Variants in ZC3H7B observed in about 807,000 individuals in gnomAD.
The protein encoded by ZC3H7B is zinc finger CCCH domain-containing protein 7B.
Under a neutral mutation model 116.0 loss-of-function variants are expected in ZC3H7B, and 35 were observed. The observed-to-expected ratio is 0.30, with a 90% CI of 0.23 to 0.40. The LOEUF (loss-of-function observed/expected upper bound fraction) is 0.40. ZC3H7B is among the 10% of genes least tolerant of loss of function. The pLI is 1.00. For missense variants in ZC3H7B, 1,011 were observed against 1,321.5 expected, an observed-to-expected ratio of 0.77 and a Z score of 3.64; for synonymous variants, 502 against 545.6, an observed-to-expected ratio of 0.92 and a Z score of 1.11.
chr22:41,359,042 G>C lies in ZC3H7B; in HGVS notation c.*1613G>C, dbSNP rs1453057723. ...CCGCCGCCACTGCCCAACCTTTCCTGATAATCGTGGCATGCGCCCTTTCCT... is the reference window on the plus strand; with the variant it reads ...CCGCCGCCACTGCCCAACCTTTCCTCATAATCGTGGCATGCGCCCTTTCCT... On this transcript the variant is annotated 3_prime_UTR_variant, in exon 23 of 23. Transcript: ENST00000352645. 1 of 153,384 alleles carries C rather than the reference G, an allele frequency of 6.5e-6. No individual in the cohort carries two copies. Among genetic ancestry groups the C allele is most frequent in the African/African-American group, 2.4e-5 (1 of 41,472 alleles). The allele number at this position is 153,384 out of a possible 1,614,324, so 9.5% of individuals were successfully genotyped here. A position where few individuals can be genotyped will look rare whatever the true frequency, so the allele number is the denominator to read the frequency against.
intron 10 of ZC3H7B, 37 bp from the exon 11 acceptor site, chr22:41,341,051 C>A (rs1441146035): frequency 2.5e-6 from 4 of 1,602,474 alleles, no homozygotes; most frequent in Admixed American, 1.7e-5. Flanking sequence ...CGCCTCAGAG[C>A]CAGAGCCACT....
Position 41,327,370 on chromosome 22 carries a change from TG to T in ZC3H7B, c.444+7del. On this transcript the variant is annotated splice_region_variant and intron_variant, in intron 5 of 22. Transcript: ENST00000352645. The surrounding 1 kb of genome is among the most constrained non-coding windows in gnomAD (Gnocchi z 4.5). ...GTTCCCTCGCCCTGCCCCACGTGAG[TG>T]TGGCTCTGCAGCCACGCCGGTGCCT... is the stretch of plus-strand genomic sequence containing the variant. 6.2e-7 allele frequency: 1 copy of T among 1,609,054 alleles called. No homozygotes were observed. Among genetic ancestry groups the T allele is most frequent in the East Asian group, 2.2e-5 (1 of 44,884 alleles).
In ZC3H7B at chr22:41,348,057, C is replaced by T. The variant is rs2036610148; in HGVS notation, c.1666-10C>T. ...CATGCCAGGTCCCAGCCCTTCCCCT[C>T]CCTGGGCAGATCTGCTTTGACAGTA... On this transcript the variant is annotated splice_polypyrimidine_tract_variant and intron_variant, in intron 14 of 22. Coordinates refer to ENST00000352645, the MANE Select transcript of ZC3H7B (RefSeq NM_017590.6). 1 of 1,613,348 alleles carries T rather than the reference C, an allele frequency of 6.2e-7. No homozygotes were observed. Among genetic ancestry groups the T allele is most frequent in the African/African-American group, 1.3e-5 (1 of 74,938 alleles).
At chr22:41,356,920 G>T (rs1357964923) in intron 22 of ZC3H7B, 112 bp downstream of exon 22, 11 of 1,513,028 alleles carry the variant, frequency 7.3e-6, no homozygotes, top group Non-Finnish European at 9.8e-6. Context: ...GAGTGGTGAG[G>T]CTTGGCTGTG....
At position 41,339,192 on chromosome 22, in the gene ZC3H7B, G is replaced by A; in HGVS notation, c.816+1G>A. 1 of 1,603,906 alleles carries A rather than the reference G, an allele frequency of 6.2e-7. No individual in the cohort carries two copies. The highest frequency in any genetic ancestry group is 8.5e-7 in the Non-Finnish European group (1 of 1,174,282). The stretch of plus-strand genomic sequence containing the variant: ...GCTGGACACCCTCCTGGACTCGCTG[G>A]TGAGCCACACCACCCTCCTTGTGCT... On this transcript the variant is annotated splice_donor_variant, in intron 9 of 22. Transcript: ENST00000352645. LOFTEE classifies it high-confidence loss of function.
At chr22:41,354,328 C>T (rs539107079) in intron 17 of ZC3H7B, among the ~76,000 whole-genome samples, 7 of 152,212 alleles carry the variant, frequency 4.6e-5, no homozygotes, top group African/African-American at 7.2e-5. Flanking sequence ...GGCCGTCCCA[C>T]GCGTAAAGGC....
rs181435802 is a variant in ZC3H7B at position 41,342,664 on chromosome 22, A to G, written c.1297+36A>G. ...ACCTGTAGACTCCACCCCTCTGCCC[A>G]GAGAACTGGGAATCTCAGGAACATG... On this transcript the variant is annotated intron_variant, in intron 12 of 22. Transcript: ENST00000352645. 992 of 1,564,154 alleles carry G rather than the reference A, an allele frequency of 6.3e-4. 2 individuals are homozygous for G. In the Middle Eastern group the frequency reaches 6.3e-3, roughly 10 times the overall value.
chr22:41,304,147 A>G (rs1601756448), intron 1 of ZC3H7B, among the ~76,000 whole-genome samples: 1 of 152,146 alleles, frequency 6.6e-6, no homozygotes, highest in Non-Finnish European at 1.5e-5. Context: ...GGCTCAGGCA[A>G]TCCTCCTGCC....
At chr22:41,321,027 A>G (rs1039636974) in intron 2 of ZC3H7B, among the ~76,000 whole-genome samples, 1 of 152,078 alleles carries the variant, frequency 6.6e-6, no homozygotes, top group Admixed American at 6.5e-5. Flanking sequence ...TGATAAATCA[A>G]TGGTCCCTCT....
chr22:41,354,229 T>C (rs1449026779), intron 17 of ZC3H7B, among the ~76,000 whole-genome samples: 3 of 152,186 alleles, frequency 2.0e-5, no homozygotes, highest in African/African-American at 4.8e-5. Flanking sequence ...ATGGTAATAA[T>C]GCCTTCCTCT....
chr22:41,357,498 A>C lies in ZC3H7B; in HGVS notation c.*69A>C. The C allele has an allele frequency of 1.3e-5, 12 of 893,244 alleles. No individual in the cohort carries two copies. Among genetic ancestry groups the C allele is most frequent in the East Asian group, 3.6e-5 (1 of 28,014 alleles). The allele number at this position is 893,244 out of a possible 1,614,324, so 55.3% of individuals were successfully genotyped here. ...GGGTGGGGCCAGAAGGCCTGATAGA[A>C]GGGTCAGGGCAGGCCAGGGGGGTGG... On this transcript the variant is annotated 3_prime_UTR_variant, in exon 23 of 23. Coordinates refer to ENST00000352645, the MANE Select transcript of ZC3H7B (RefSeq NM_017590.6). The surrounding 1 kb of genome is among the most constrained non-coding windows in gnomAD (Gnocchi z 5.4).
chr22:41,357,384 C>A lies in ZC3H7B; in HGVS notation c.2889C>A (p.Thr963=). The part of the protein sequence containing the change: ...LQEDGDLAGA[T]PEAPAAAATA... ...AGGACGGGGACCTTGCCGGTGCCAC[C>A]CCAGAAGCCCCTGCTGCTGCTGCCA... The change falls in exon 23 of 23, where the codon ACC becomes ACA. Residue 963 remains threonine, a synonymous_variant. Transcript: ENST00000352645. The surrounding 1 kb of genome is among the most constrained non-coding windows in gnomAD (Gnocchi z 5.4). 3 of 1,613,154 alleles carry A rather than the reference C, an allele frequency of 1.9e-6. No individual in the cohort carries two copies. The highest frequency in any genetic ancestry group is 2.5e-6 in the Non-Finnish European group (3 of 1,179,922).
In ZC3H7B at chr22:41,349,177, C is replaced by A; in HGVS notation, c.1824C>A (p.Phe608Leu). Residue 608 changes from phenylalanine (F) to leucine (L), a missense_variant, in exon 16 of 23, where the codon TTC becomes TTA. Around this residue, in one of 5 missense-constraint regions of ZC3H7B, gnomAD observed 406 missense variants for 590.2 expected, o/e 0.69. Transcript: ENST00000352645. This position sits in a 1 kb window ranked among gnomAD's most constrained non-coding sequence, Gnocchi z 4.9. ...TSLKYSKIRQFQEHFQFDVCR... is the reference protein window; with the variant it reads ...TSLKYSKIRQLQEHFQFDVCR... Reference sequence around the variant, plus strand: ...TCAAGTACTCCAAGATCCGCCAGTTCCAGGAGCACTTCCAGTTCGACGTGT... The same window carrying A: ...TCAAGTACTCCAAGATCCGCCAGTTACAGGAGCACTTCCAGTTCGACGTGT... 1 of 1,613,886 alleles carries A rather than the reference C, an allele frequency of 6.2e-7. No homozygotes were observed. The highest frequency in any genetic ancestry group is 1.3e-5 in the African/African-American group (1 of 75,066).
intron 9 of ZC3H7B, 25 bp downstream of exon 9, chr22:41,339,216 C>G: frequency 6.3e-7 from 1 of 1,579,382 alleles, no homozygotes; most frequent in Non-Finnish European, 8.6e-7. Context: ...CCTCCTTGTG[C>G]TCCCCTGATC....
Position 41,346,278 on chromosome 22 carries a change from C to A in ZC3H7B, c.1665+70C>A. On this transcript the variant is annotated intron_variant, in intron 14 of 22. Coordinates refer to ENST00000352645, the MANE Select transcript of ZC3H7B (RefSeq NM_017590.6). The surrounding 1 kb of genome is among the most constrained non-coding windows in gnomAD (Gnocchi z 5.3). ...ACAGGGCTGGGGATGCTCCCTGGCA[C>A]GGACCACCATAGGAAGTCAGCCCTG... 2 of 1,543,080 alleles carry A rather than the reference C, an allele frequency of 1.3e-6. No homozygotes were observed. The highest frequency in any genetic ancestry group is 1.8e-6 in the Non-Finnish European group (2 of 1,141,418).
In ZC3H7B at chr22:41,340,034, G is replaced by A. The variant is rs150162771; in HGVS notation, c.1035G>A (p.Thr345=). ...ATGCCCTCGATCCCCCGGGCCCCAC[G>A]CTGGACCCCCTGGACCTGCTGCCGT... is the stretch of plus-strand genomic sequence containing the variant. ...VLDALDPPGP[T]LDPLDLLPYS... Residue 345 remains threonine, a synonymous_variant, in exon 10 of 23, where the codon ACG becomes ACA. Coordinates refer to ENST00000352645, the MANE Select transcript of ZC3H7B (RefSeq NM_017590.6). The A allele has an allele frequency of 1.2e-4, 191 of 1,611,166 alleles. No individual in the cohort carries two copies. The highest frequency in any genetic ancestry group is 1.5e-4 in the Non-Finnish European group (172 of 1,179,988).
chr22:41,342,073 A>G (rs1409457280), intron 11 of ZC3H7B, among the ~76,000 whole-genome samples: 1 of 151,770 alleles, frequency 6.6e-6, no homozygotes, highest in African/African-American at 2.4e-5. Context: ...AAAAAAAAAA[A>G]AAAAAGAGCT....
At position 41,338,489 on chromosome 22, in the gene ZC3H7B, C is replaced by T; in HGVS notation, c.625+134C>T. 2 of 914,126 alleles carry T rather than the reference C, an allele frequency of 2.2e-6. No homozygotes were observed. The highest frequency in any genetic ancestry group is 3.4e-6 in the Non-Finnish European group (2 of 592,164). 56.6% of individuals were successfully genotyped at this position (914,126 alleles called of 1,614,324 possible). A position where few individuals can be genotyped will look rare whatever the true frequency, so the allele number is the denominator to read the frequency against. On this transcript the variant is annotated intron_variant, in intron 8 of 22. Transcript: ENST00000352645. The surrounding 1 kb of genome is among the most constrained non-coding windows in gnomAD (Gnocchi z 4.5). Reference sequence around the variant, plus strand: ...TTCCCCACCCTGGTACTCCCTGAGGCATGGGAGAAAACAGTGGGTTGAGAG... The same window carrying T: ...TTCCCCACCCTGGTACTCCCTGAGGTATGGGAGAAAACAGTGGGTTGAGAG...
intron 2 of ZC3H7B, among the ~76,000 whole-genome samples, chr22:41,324,146 C>T (rs552596575): frequency 2.6e-5 from 4 of 151,680 alleles, no homozygotes; most frequent in Admixed American, 2.0e-4. Context: ...AGGCTGGAGG[C>T]AGGAGGCCAG....
Sources: allele counts gnomAD v4.1 joint callset (sites outside exome capture counted in the v4.1 genomes callset), GRCh38; gene constraint gnomAD v4.1.1; regional missense constraint gnomAD v4.1.1; non-coding constraint Gnocchi (gnomAD v3.1); transcripts MANE v1.5; gene names NCBI Gene and HGNC (gene_info 2026-07-23, HGNC 2026-07-21).